Variants in MTOR observed in about 807,000 individuals in gnomAD.
MTOR encodes the protein mechanistic target of rapamycin kinase, also known as serine/threonine-protein kinase mTOR.
Under a neutral mutation model 319.8 loss-of-function variants are expected in MTOR, and 70 were observed. The ratio of observed to expected loss-of-function variants is 0.22; its 90% CI spans 0.18 to 0.27. The LOEUF is 0.27. Among genes scored for constraint, MTOR ranks in the 10% least tolerant of loss-of-function variants. The probability of loss-of-function intolerance (pLI) is 1.00; values close to 1 mark genes in which losing one functional copy is unlikely to be tolerated. For synonymous variants in MTOR, 1,183 were observed against 1,211.4 expected (o/e 0.98, Z 0.49); for missense variants, 1,890 against 3,274.4 (o/e 0.58, Z 10.32).
At chr1:11,152,631 G>C (rs894260876) in intron 30 of MTOR, among the ~76,000 whole-genome samples, 13 of 152,084 alleles carry the variant, frequency 8.5e-5, no homozygotes, top group African/African-American at 3.1e-4. Context: ...AGGGGGTGCG[G>C]GTTGCCTAGC....
At chr1:11,167,409 C>T (rs369493305) in intron 29 of MTOR, 33 bp downstream of exon 29, 14 of 1,578,546 alleles carry the variant, frequency 8.9e-6, no homozygotes, top group South Asian at 4.4e-5. Flanking sequence ...AAGTCTCTAC[C>T]TCCTGCTTTT....
intron 34 of MTOR, among the ~76,000 whole-genome samples, chr1:11,140,983 G>GA (rs56098089): frequency 0.61 from 79,107 of 129,554 alleles, 25,691 homozygotes; most frequent in East Asian, 0.79. Flanking sequence ...TAAGACTTCT[G>GA]AAAAAAAAAA....
At chr1:11,186,128 A>T (rs1313493368) in intron 28 of MTOR, among the ~76,000 whole-genome samples, 4 of 151,312 alleles carry the variant, frequency 2.6e-5, no homozygotes, top group African/African-American at 9.7e-5. Flanking sequence ...ACGGCTGTAT[A>T]GAGTATGGCA....
intron 29 of MTOR, among the ~76,000 whole-genome samples, chr1:11,159,663 T>G (rs1644415446): frequency 6.6e-6 from 1 of 151,742 alleles, no homozygotes; most frequent in South Asian, 2.1e-4. Flanking sequence ...AAAGATAATA[T>G]GTGCTAAAGA....
At chr1:11,193,580 G>A (rs1351593011) in intron 28 of MTOR, 1 of 1,582,154 alleles carries the variant, frequency 6.3e-7, no homozygotes, top group Non-Finnish European at 8.6e-7. Flanking sequence ...TCTGCTTCAG[G>A]TGTTCTGTGA....
intron 51 of MTOR, 80 bp from the exon 52 acceptor site, chr1:11,114,967 C>T (rs1642086975): frequency 8.9e-7 from 1 of 1,127,982 alleles, no homozygotes; most frequent in African/African-American, 1.5e-5. Flanking sequence ...TGGCTTTCCT[C>T]TGCATCACCT....
intron 19 of MTOR, among the ~76,000 whole-genome samples, chr1:11,216,913 T>C (rs1448643176): frequency 6.6e-6 from 1 of 152,208 alleles, no homozygotes; most frequent in Non-Finnish European, 1.5e-5. Flanking sequence ...CAGTGCTCAA[T>C]GAATGTCTGT....
intron 49 of MTOR, among the ~76,000 whole-genome samples, chr1:11,118,854 G>A (rs2100342514): frequency 6.6e-6 from 1 of 152,100 alleles, no homozygotes; most frequent in East Asian, 1.9e-4. Context: ...TCAAACGCCT[G>A]AGCTTCAAGC....
intron 24 of MTOR, among the ~76,000 whole-genome samples, chr1:11,209,719 AT>A (rs1646251124): frequency 6.6e-6 from 1 of 152,178 alleles, no homozygotes; most frequent in South Asian, 2.1e-4. Flanking sequence ...AAGATAAACA[AT>A]TGTCGGCAAT....
intron 28 of MTOR, among the ~76,000 whole-genome samples, chr1:11,168,430 G>A (rs753720739): frequency 6.6e-6 from 1 of 152,148 alleles, no homozygotes; most frequent in Non-Finnish European, 1.5e-5. Context: ...GACTCTGTGA[G>A]TGACACAGGT....
chr1:11,139,162 T>C, intron 36 of MTOR, 142 bp downstream of exon 36: 1 of 1,187,430 alleles, frequency 8.4e-7, no homozygotes, highest in Non-Finnish European at 1.2e-6. Context: ...CCAAATAGCT[T>C]TGTAACAGGA....
At chr1:11,156,324 T>G (rs1471057465) in intron 30 of MTOR, among the ~76,000 whole-genome samples, 1 of 152,238 alleles carries the variant, frequency 6.6e-6, no homozygotes, top group Admixed American at 6.5e-5. Context: ...TTAAACAGTT[T>G]AACAATGATA....
intron 19 of MTOR, 45 bp from the exon 20 acceptor site, chr1:11,216,279 T>C (rs1401808005): frequency 1.4e-6 from 2 of 1,476,906 alleles, no homozygotes; most frequent in South Asian, 1.1e-5. Flanking sequence ...TGAAGGACAT[T>C]GAACCCCCAG....
intron 28 of MTOR, among the ~76,000 whole-genome samples, chr1:11,175,743 C>G (rs1257895435): frequency 7.4e-6 from 1 of 135,432 alleles, no homozygotes; most frequent in Non-Finnish European, 1.5e-5. Context: ...CTCTCCCTAG[C>G]AGGTTTTTTT....
chr1:11,188,120 A>G (rs1309678101), intron 28 of MTOR, among the ~76,000 whole-genome samples: 2 of 152,250 alleles, frequency 1.3e-5, no homozygotes, highest in African/African-American at 4.8e-5. Flanking sequence ...TTATGTGGGA[A>G]GGACCCACGC....
intron 28 of MTOR, among the ~76,000 whole-genome samples, chr1:11,191,197 C>A (rs1322692051): frequency 6.6e-6 from 1 of 152,182 alleles, no homozygotes; most frequent in African/African-American, 2.4e-5. Flanking sequence ...CCCACCAGGT[C>A]TCTTGCTCTT....
chr1:11,195,197 T>A, intron 28 of MTOR: 3 of 723,826 alleles, frequency 4.1e-6, no homozygotes, highest in Non-Finnish European at 6.7e-6. Context: ...ACCAAGGATG[T>A]TACAGTAAAC....
chr1:11,225,668 C>T (rs1358133873), intron 19 of MTOR, among the ~76,000 whole-genome samples: 1 of 152,124 alleles, frequency 6.6e-6, no homozygotes, highest in Non-Finnish European at 1.5e-5. Context: ...ATGATCCACC[C>T]GCCTTGGCCT....
At chr1:11,185,159 C>G (rs1645273981) in intron 28 of MTOR, among the ~76,000 whole-genome samples, 1 of 152,152 alleles carries the variant, frequency 6.6e-6, no homozygotes, top group Non-Finnish European at 1.5e-5. Context: ...TCTAACTAGA[C>G]TGCCAGACAC....
Sources: gnomAD v4.1 joint callset for allele counts (sites outside exome capture counted in the v4.1 genomes callset) on GRCh38, gnomAD v4.1.1 for gene constraint, MANE v1.5 for transcripts, NCBI Gene and HGNC (gene_info 2026-07-23, HGNC 2026-07-21) for gene names.